The following ADAMTS10 variants were observed in gnomAD, a reference collection of about 807,000 sequenced individuals.
The protein encoded by ADAMTS10 is ADAM metallopeptidase with thrombospondin type 1 motif 10.
In ADAMTS10, 48 loss-of-function variants were observed where a neutral mutation model predicts 135.9. The ratio of observed to expected loss-of-function variants is 0.35; its 90% CI spans 0.28 to 0.45. The LOEUF (loss-of-function observed/expected upper bound fraction) is 0.45. Ranked by LOEUF, ADAMTS10 falls within the 20% of genes least tolerant of loss-of-function variation. The pLI, the probability that ADAMTS10 is intolerant of heterozygous loss-of-function variation, is 1.00. For synonymous variants in ADAMTS10, 621 were observed against 647.5 expected (o/e 0.96, Z 0.62); for missense variants, 1,131 against 1,565.2 (o/e 0.72, Z 4.68).
Position 8,597,363 on chromosome 19 carries a change from G to T in ADAMTS10, c.811-46C>A, listed in dbSNP as rs530266196. 17 of 1,565,744 alleles carry T rather than the reference G, an allele frequency of 1.1e-5. No individual in the cohort carries two copies. In the East Asian group the frequency reaches 3.6e-4, roughly 33 times the overall value. ...GAGACCGAGTCTTAAGAGGAGCCCA[G>T]GGTAGAAAATGAAAAGCAAAAACAA... On this transcript the variant is annotated intron_variant, in intron 6 of 25. Transcript: ENST00000597188.
At chr19:8,592,174 C>T in intron 13 of ADAMTS10, 71 bp from the exon 14 acceptor site, 9 of 1,585,216 alleles carry the variant, frequency 5.7e-6, no homozygotes, top group Non-Finnish European at 7.7e-6. Flanking sequence ...CACCGTTCCC[C>T]ACTCCAGGCC....
chr19:8,587,078 CTG>C (rs748664240), intron 18 of ADAMTS10, among the ~76,000 whole-genome samples, 182 bp from the exon 19 acceptor site: 2 of 152,208 alleles, frequency 1.3e-5, no homozygotes, highest in Admixed American at 6.5e-5. Context: ...GCTGACAAAA[CTG>C]AGGCTCAGAG....
chr19:8,584,638 G>A (rs2042398735), intron 25 of ADAMTS10, among the ~76,000 whole-genome samples: 1 of 152,196 alleles, frequency 6.6e-6, no homozygotes, highest in African/African-American at 2.4e-5. Context: ...AGATGAATAG[G>A]TACAGGTTAT....
At chr19:8,599,896 G>A (rs572355595) in intron 6 of ADAMTS10, among the ~76,000 whole-genome samples, 1 of 151,602 alleles carries the variant, frequency 6.6e-6, no homozygotes, top group Non-Finnish European at 1.5e-5. Context: ...GCACAGTGGC[G>A]TGATCTCAGC....
chr19:8,607,006 A>G (rs544563231), intron 2 of ADAMTS10, among the ~76,000 whole-genome samples: 2 of 152,248 alleles, frequency 1.3e-5, no homozygotes, highest in South Asian at 4.1e-4. Flanking sequence ...GGGAAACAGC[A>G]AGGTCAAAGG....
At chr19:8,584,770 C>G in intron 25 of ADAMTS10, 125 bp downstream of exon 25, 1 of 1,351,754 alleles carries the variant, frequency 7.4e-7, no homozygotes, top group Non-Finnish European at 1.0e-6. Context: ...GATGGCCTGG[C>G]AGAGACACAG....
At position 8,591,795 on chromosome 19, in the gene ADAMTS10, C is replaced by G; in HGVS notation, c.1797+5G>C. On this transcript the variant is annotated splice_donor_5th_base_variant and intron_variant, in intron 15 of 25. Transcript: ENST00000597188. ...CCACCCCTCAAGGGGTTTGGGGGAA[C>G]TCACATCCGTGTTGCAGGAGCGGTG... is the stretch of plus-strand genomic sequence containing the variant. The G allele has an allele frequency of 6.2e-7, 1 of 1,613,782 alleles. No individual in the cohort carries two copies. The highest frequency in any genetic ancestry group is 8.5e-7 in the Non-Finnish European group (1 of 1,180,026).
In ADAMTS10 at chr19:8,585,231, G is replaced by C. The variant is rs781843238; in HGVS notation, c.2943C>G (p.Pro981=). 6.8e-7 allele frequency: 1 copy of C among 1,459,938 alleles called. No individual in the cohort carries two copies. The highest frequency in any genetic ancestry group is 1.4e-5 in the African/African-American group (1 of 70,186). 90.4% of individuals were successfully genotyped at this position (1,459,938 alleles called of 1,614,324 possible). Residue 981 remains proline (P), a synonymous_variant, in exon 24 of 26, where the codon CCC becomes CCG. Coordinates refer to ENST00000597188, the MANE Select transcript of ADAMTS10 (RefSeq NM_030957.4). ...CKSADHRATL[P]PAHCSPAAKP... Reference sequence around the variant, plus strand: ...TGGCGGCGGGTGAGCAGTGCGCCGGGGGCAGCGTGGCGCGGTGGTCTGCGC... The same window carrying C: ...TGGCGGCGGGTGAGCAGTGCGCCGGCGGCAGCGTGGCGCGGTGGTCTGCGC...
In ADAMTS10 at chr19:8,605,869, C is replaced by G; in HGVS notation, c.-99-60G>C. On this transcript the variant is annotated intron_variant, in intron 2 of 25. Transcript: ENST00000597188. This position sits in a 1 kb window ranked among gnomAD's most constrained non-coding sequence, Gnocchi z 7.7. ...TCCCGCTGTCCAGCACAACCAATGC[C>G]AAGGCCAATCATGGCCAAAGCTTTT... 3.6e-6 allele frequency: 5 copies of G among 1,407,584 alleles called. No homozygotes were observed. Among genetic ancestry groups the G allele is most frequent in the Non-Finnish European group, 4.7e-6 (5 of 1,070,976 alleles). 87.2% of individuals were successfully genotyped at this position (1,407,584 alleles called of 1,614,324 possible).
intron 4 of ADAMTS10, among the ~76,000 whole-genome samples, chr19:8,604,371 CTTT>C (rs1268083976): frequency 6.7e-6 from 1 of 149,534 alleles, no homozygotes; most frequent in African/African-American, 2.5e-5. Flanking sequence ...CCTCTAATTT[CTTT>C]TTATTTTAAA....
intron 22 of ADAMTS10, among the ~76,000 whole-genome samples, chr19:8,585,913 C>G (rs1340596904): frequency 2.0e-5 from 3 of 152,116 alleles, no homozygotes; most frequent in Non-Finnish European, 4.4e-5. Flanking sequence ...CATTCTGACT[C>G]CAGGGCCATG....
intron 18 of ADAMTS10, among the ~76,000 whole-genome samples, chr19:8,588,370 G>A (rs902234898): frequency 7.8e-4 from 119 of 152,104 alleles, no homozygotes; most frequent in African/African-American, 2.7e-3. Context: ...ACAGGTGTGA[G>A]CCACCGTGCC....
chr19:8,585,330 C>T (rs782355313), intron 23 of ADAMTS10, 22 bp from the exon 24 acceptor site: 3 of 1,532,742 alleles, frequency 2.0e-6, no homozygotes, highest in Admixed American at 3.9e-5. Context: ...AGGGGCGTTT[C>T]GTGCTCAGGG....
At chr19:8,592,951 T>C in intron 12 of ADAMTS10, 81 bp from the exon 13 acceptor site, 4 of 1,322,728 alleles carry the variant, frequency 3.0e-6, no homozygotes, top group South Asian at 1.2e-5. Flanking sequence ...AGGACCCAGA[T>C]GTCCGGCTCA....
Position 8,605,476 on chromosome 19 carries a change from G to T in ADAMTS10, c.89-118C>A. ...CTCACTGACCCCCGAAATCCAGGGA[G>T]TTGGCTGCAAGGCTCCCGCCTATTG... On this transcript the variant is annotated intron_variant, in intron 3 of 25. Coordinates refer to ENST00000597188, the MANE Select transcript of ADAMTS10 (RefSeq NM_030957.4). The surrounding 1 kb of genome is among the most constrained non-coding windows in gnomAD (Gnocchi z 7.7). 2.0e-6 allele frequency: 3 copies of T among 1,469,374 alleles called. No individual in the cohort carries two copies. The highest frequency in any genetic ancestry group is 2.8e-6 in the Non-Finnish European group (3 of 1,081,728). 91.0% of individuals were successfully genotyped at this position (1,469,374 alleles called of 1,614,324 possible).
intron 19 of ADAMTS10, 44 bp from the exon 20 acceptor site, chr19:8,586,765 C>T (rs371931968): frequency 1.4e-5 from 23 of 1,613,932 alleles, no homozygotes; most frequent in Admixed American, 5.0e-5. Flanking sequence ...ATGCTGAAAC[C>T]GCCCTCCCCA....
Position 8,596,530 on chromosome 19 carries a change from G to A in ADAMTS10, c.1084+12C>T. 1 of 1,614,022 alleles carries A rather than the reference G, an allele frequency of 6.2e-7. No homozygotes were observed. The highest frequency in any genetic ancestry group is 1.7e-4 in the Middle Eastern group (1 of 6,002). ...CCTTCATAGGCGCCTGAAACCTACG[G>A]GGCTCGGGTACCTAGTGTGCCGCAG... On this transcript the variant is annotated intron_variant, in intron 9 of 25. Coordinates refer to ENST00000597188, the MANE Select transcript of ADAMTS10 (RefSeq NM_030957.4). The surrounding 1 kb of genome is among the most constrained non-coding windows in gnomAD (Gnocchi z 7.2).
intron 12 of ADAMTS10, 64 bp downstream of exon 12, chr19:8,595,698 T>TGCCAA: frequency 7.7e-5 from 99 of 1,291,848 alleles, no homozygotes; most frequent in Non-Finnish European, 8.7e-5. Flanking sequence ...CTGGTGGAGT[T>TGCCAA]CCCTCCCCCA....
chr19:8,600,788 G>A (rs145113196), intron 6 of ADAMTS10, 140 bp downstream of exon 6: 19,266 of 1,060,604 alleles, frequency 0.018, 219 homozygotes, highest in Non-Finnish European at 0.023. Flanking sequence ...GTGAGCCACC[G>A]CGCCCGGCCT....
Sources: allele counts gnomAD v4.1 joint callset (sites outside exome capture counted in the v4.1 genomes callset), GRCh38; gene constraint gnomAD v4.1.1; non-coding constraint Gnocchi (gnomAD v3.1); transcripts MANE v1.5; gene names NCBI Gene and HGNC (gene_info 2026-07-23, HGNC 2026-07-21).